The following WASHC2A variants were observed in gnomAD, a reference collection of about 807,000 sequenced individuals.
The protein encoded by WASHC2A is WASH complex subunit FAM21A.
WASHC2A carries 82 observed loss-of-function variants against 140.3 expected under a neutral mutation model. The observed-to-expected ratio is 0.58, with a 90% CI of 0.49 to 0.70. The LOEUF (loss-of-function observed/expected upper bound fraction) is 0.70, where lower values mean the gene tolerates loss of function less well. Ranked by LOEUF, WASHC2A falls within the 30% of genes least tolerant of loss-of-function variation. The probability of loss-of-function intolerance (pLI) is 0.00; values close to 1 mark genes in which losing one functional copy is unlikely to be tolerated. For synonymous variants in WASHC2A, 340 were observed against 560.8 expected (o/e 0.61, Z 5.56); for missense variants, 985 against 1,521.8 (o/e 0.65, Z 5.87).
At chr10:50,072,757 G>A (rs1837980956) in intron 3 of WASHC2A, among the ~76,000 whole-genome samples, 1 of 152,046 alleles carries the variant, frequency 6.6e-6, no homozygotes, top group Non-Finnish European at 1.5e-5. Flanking sequence ...CAAGTGCTGG[G>A]ATTACAGGTG....
Position 50,127,563 on chromosome 10 carries a change from G to A in WASHC2A, c.2875-20G>A, listed in dbSNP as rs1326688058. On this transcript the variant is annotated intron_variant, in intron 27 of 30. Transcript: ENST00000282633. The stretch of plus-strand genomic sequence containing the variant: ...TGCTGTGTTGAAGAACAAATACAGA[G>A]TTTCATTTTTCTTCTTTAGGCAAAT... The A allele has an allele frequency of 1.9e-6, 3 of 1,580,760 alleles. No homozygotes were observed. Among genetic ancestry groups the A allele is most frequent in the African/African-American group, 2.7e-5 (2 of 74,064 alleles).
At chr10:50,095,045 G>T in intron 13 of WASHC2A, 103 bp from the exon 14 acceptor site, 1 of 1,595,930 alleles carries the variant, frequency 6.3e-7, no homozygotes, top group Non-Finnish European at 8.5e-7. Flanking sequence ...GTTTCAAAAG[G>T]TCTGATACTA....
rs56738221 is a variant in WASHC2A at position 50,068,083 on chromosome 10, C to T, written c.4-22C>T. On this transcript the variant is annotated intron_variant, in intron 1 of 30. Coordinates refer to ENST00000282633, the MANE Select transcript of WASHC2A (RefSeq NM_001005751.3). Reference sequence around the variant, plus strand: ...CCTGCCGCCCTCAGGCTCAGCTTCTCTTCTCGTTTTTTTCGCTGCAGATGA... The same window carrying T: ...CCTGCCGCCCTCAGGCTCAGCTTCTTTTCTCGTTTTTTTCGCTGCAGATGA... 9,582 of 1,608,898 alleles carry T rather than the reference C, an allele frequency of 6.0e-3. 522 individuals are homozygous for T. In the African/African-American group the frequency reaches 0.11, roughly 19 times the overall value.
chr10:50,084,796 C>T (rs2805143), intron 6 of WASHC2A, among the ~76,000 whole-genome samples: 3 of 149,942 alleles, frequency 2.0e-5, no homozygotes, highest in South Asian at 2.1e-4. Context: ...AATGCAATGG[C>T]GCGATCTTGG....
At chr10:50,069,320 G>A (rs1554875337) in intron 2 of WASHC2A, among the ~76,000 whole-genome samples, 1 of 151,728 alleles carries the variant, frequency 6.6e-6, no homozygotes, top group East Asian at 1.9e-4. Flanking sequence ...CAGCTACTCG[G>A]GAGGCTGAGG....
chr10:50,087,742 C>T (rs1489162060), intron 8 of WASHC2A, among the ~76,000 whole-genome samples: 39 of 152,244 alleles, frequency 2.6e-4, no homozygotes, highest in Admixed American at 5.2e-4. Flanking sequence ...TAGCTAAAGG[C>T]GTATTCTTTT....
intron 17 of WASHC2A, among the ~76,000 whole-genome samples, 195 bp downstream of exon 17, chr10:50,100,259 G>A (rs1178950091): frequency 2.0e-5 from 3 of 152,054 alleles, no homozygotes; most frequent in Non-Finnish European, 1.5e-5. Flanking sequence ...AAGGCAGGCG[G>A]ATACCTGAGG....
In WASHC2A at chr10:50,099,983, C is replaced by T. The variant is rs1840942197; in HGVS notation, c.1554C>T (p.Thr518=). Residue 518 remains threonine (T), a synonymous_variant, in exon 17 of 31, where the codon ACC becomes ACT. Transcript: ENST00000282633. ...CCCCCCCACCCCCGACAAAGGTTAC[C>T]TTATCTTCCAGCAAAAATCTCAAGC... is the stretch of plus-strand genomic sequence containing the variant. The part of the protein sequence containing the change: ...ENKARAEKKV[T]LSSSKNLKPS... 3 of 1,482,900 alleles carry T rather than the reference C, an allele frequency of 2.0e-6. No homozygotes were observed. Among genetic ancestry groups the T allele is most frequent in the Admixed American group, 1.9e-5 (1 of 52,688 alleles). 91.9% of individuals were successfully genotyped at this position (1,482,900 alleles called of 1,614,324 possible).
chr10:50,068,610 G>A (rs1371640046), intron 2 of WASHC2A, among the ~76,000 whole-genome samples: 1 of 150,706 alleles, frequency 6.6e-6, no homozygotes, highest in African/African-American at 2.5e-5. Flanking sequence ...CAAATCGGGG[G>A]CCCAAAAAGC....
chr10:50,120,464 A>G (rs2133002582), intron 23 of WASHC2A, among the ~76,000 whole-genome samples: 1 of 146,162 alleles, frequency 6.8e-6, no homozygotes, highest in East Asian at 2.0e-4. Context: ...TACTAAAAAT[A>G]CAAAAAATAG....
chr10:50,097,326 C>T (rs1311694035), intron 15 of WASHC2A, among the ~76,000 whole-genome samples: 1 of 151,612 alleles, frequency 6.6e-6, no homozygotes, highest in Non-Finnish European at 1.5e-5. Context: ...TTCTCAGATT[C>T]CTTAGATGAT....
chr10:50,101,322 A>G (rs1554886681), intron 17 of WASHC2A, among the ~76,000 whole-genome samples: 3 of 152,310 alleles, frequency 2.0e-5, no homozygotes, highest in African/African-American at 7.2e-5. Flanking sequence ...TGCTGTTCCC[A>G]GAATCCAGCT....
At chr10:50,089,526 C>T (rs1839688464) in intron 8 of WASHC2A, among the ~76,000 whole-genome samples, 1 of 152,032 alleles carries the variant, frequency 6.6e-6, no homozygotes, top group Admixed American at 6.6e-5. Context: ...TCCTTTCCTT[C>T]TCTGCATACT....
chr10:50,107,639 C>A (rs76454501), intron 19 of WASHC2A, among the ~76,000 whole-genome samples: 40,838 of 151,838 alleles, frequency 0.27, 6,527 homozygotes, highest in Middle Eastern at 0.41. Context: ...AAAGCTTATG[C>A]GGCCGGGCGT....
rs1844152384 is a variant in WASHC2A, at chr10:50,133,455, G to C, written c.*510G>C. ...CCTCCAAGGCAAAGTTTGGCAAACTGTGGCCCCCCCACTGTCATATTTTGT... is the reference window on the plus strand; with the variant it reads ...CCTCCAAGGCAAAGTTTGGCAAACTCTGGCCCCCCCACTGTCATATTTTGT... On this transcript the variant is annotated 3_prime_UTR_variant, in exon 31 of 31. Transcript: ENST00000282633. The C allele has an allele frequency of 2.1e-6, 1 of 470,002 alleles. No individual in the cohort carries two copies. The highest frequency in any genetic ancestry group is 2.3e-5 in the Admixed American group (1 of 42,588). 29.1% of individuals were successfully genotyped at this position (470,002 alleles called of 1,614,324 possible).
chr10:50,116,115 C>CAA (rs1238566392), intron 21 of WASHC2A, among the ~76,000 whole-genome samples: 4,586 of 42,616 alleles, frequency 0.11, 44 homozygotes, highest in East Asian at 0.28. Context: ...GACTCCATCT[C>CAA]AAAAAAAAAA....
At chr10:50,097,939 C>T in intron 16 of WASHC2A, 137 bp downstream of exon 16, 1 of 1,065,618 alleles carries the variant, frequency 9.4e-7, no homozygotes, top group Non-Finnish European at 1.3e-6. Flanking sequence ...AAGAACATTG[C>T]AGTGAACACC....
chr10:50,075,615 A>C (rs1387679001), intron 3 of WASHC2A, among the ~76,000 whole-genome samples: 2 of 148,608 alleles, frequency 1.3e-5, no homozygotes, highest in Admixed American at 1.3e-4. Flanking sequence ...TTTCATTTTT[A>C]TCCCTTATAG....
chr10:50,120,356 TCA>T (rs1470781140), intron 23 of WASHC2A, among the ~76,000 whole-genome samples: 2 of 144,986 alleles, frequency 1.4e-5, no homozygotes, highest in African/African-American at 5.5e-5. Context: ...GCATGGTGGC[TCA>T]CACCTGTAAT....
Sources: allele counts gnomAD v4.1 joint callset (sites outside exome capture counted in the v4.1 genomes callset), GRCh38; gene constraint gnomAD v4.1.1; transcripts MANE v1.5; gene names NCBI Gene and HGNC (gene_info 2026-07-23, HGNC 2026-07-21).